The following FGF13 variants were observed in gnomAD, a reference collection of about 807,000 sequenced individuals.
FGF13 encodes the protein fibroblast growth factor homologous factor 2.
FGF13 carries 2 observed loss-of-function variants against 19.5 expected under a neutral mutation model. The observed-to-expected ratio is 0.10, with a 90% CI of 0.04 to 0.32. The LOEUF is 0.32. FGF13 is among the 10% of genes least tolerant of loss of function. FGF13 has a pLI of 1.00. For missense variants in FGF13, 113 were observed against 192.7 expected (o/e 0.59, Z 2.45); for synonymous variants, 72 against 76.9 (o/e 0.94, Z 0.33).
chrX:139,094,311 A>G (rs778313528), intron 1 of FGF13, among the ~76,000 whole-genome samples: 66 of 112,289 alleles, frequency 5.9e-4, no homozygotes, highest in South Asian at 2.2e-3. Context: ...AGAAAACTAT[A>G]CAAACTGTAT....
intron 3 of FGF13, among the ~76,000 whole-genome samples, chrX:138,646,218 TG>T (rs1405083192): frequency 8.9e-6 from 1 of 112,272 alleles, no homozygotes; most frequent in Non-Finnish European, 1.9e-5. Flanking sequence ...TAATGGGTTT[TG>T]GTAGACTTTT....
At chrX:138,914,719 C>T (rs1183871638) in intron 1 of FGF13, among the ~76,000 whole-genome samples, 1 of 107,609 alleles carries the variant, frequency 9.3e-6, no homozygotes, top group Non-Finnish European at 1.9e-5. Context: ...ACAAAAAGAC[C>T]TCCCATGCTT....
intron 1 of FGF13, among the ~76,000 whole-genome samples, chrX:139,156,826 T>A (rs1353610826): frequency 1.8e-5 from 2 of 112,115 alleles, no homozygotes; most frequent in African/African-American, 6.5e-5. Flanking sequence ...TGGGCCACAA[T>A]AAATGAAGGT....
intron 1 of FGF13, among the ~76,000 whole-genome samples, chrX:138,979,721 G>A (rs188834012): frequency 3.2e-4 from 36 of 111,367 alleles, no homozygotes; most frequent in Admixed American, 1.1e-3. Flanking sequence ...GGAGAGCAAA[G>A]CAGAGTGTTT....
chrX:138,987,832 C>G (rs933515800), intron 1 of FGF13, among the ~76,000 whole-genome samples: 2 of 111,808 alleles, frequency 1.8e-5, no homozygotes, highest in African/African-American at 6.5e-5. Context: ...ATATAAAACA[C>G]GCTATTCATT....
At chrX:138,652,945 C>G (rs1282030804) in intron 3 of FGF13, among the ~76,000 whole-genome samples, 1 of 111,981 alleles carries the variant, frequency 8.9e-6, no homozygotes, top group Non-Finnish European at 1.9e-5. Context: ...TTGTATTGAA[C>G]CAAACAACAA....
At chrX:138,778,997 G>C (rs1569392321) in intron 3 of FGF13, among the ~76,000 whole-genome samples, 1 of 112,270 alleles carries the variant, frequency 8.9e-6, no homozygotes, top group African/African-American at 3.2e-5. Flanking sequence ...TCCTCAAGTG[G>C]GTCCCTGACT....
At chrX:138,652,065 C>CTAG (rs1275171569) in intron 3 of FGF13, among the ~76,000 whole-genome samples, 2 of 112,010 alleles carry the variant, frequency 1.8e-5, no homozygotes, top group Non-Finnish European at 3.8e-5. Context: ...CTGACCACTA[C>CTAG]TACGTCTTTG....
chrX:138,964,994 G>A (rs749319531), intron 1 of FGF13, among the ~76,000 whole-genome samples: 7 of 111,923 alleles, frequency 6.3e-5, no homozygotes, highest in Non-Finnish European at 1.3e-4. Context: ...AGTACAATAG[G>A]TAGCTTGGAA....
intron 1 of FGF13, among the ~76,000 whole-genome samples, chrX:139,176,438 T>C (rs1187746681): frequency 9.3e-6 from 1 of 107,256 alleles, no homozygotes; most frequent in Non-Finnish European, 1.9e-5. Flanking sequence ...TATTCACTTC[T>C]TGTCTTCTGT....
chrX:138,886,528 C>G (rs1234160351), intron 1 of FGF13, among the ~76,000 whole-genome samples: 1 of 112,095 alleles, frequency 8.9e-6, no homozygotes, highest in Non-Finnish European at 1.9e-5. Flanking sequence ...TCACCCATTT[C>G]CCATAGTAAA....
chrX:138,997,138 C>A (rs1334969524), intron 1 of FGF13, among the ~76,000 whole-genome samples: 1 of 111,721 alleles, frequency 9.0e-6, no homozygotes, highest in Non-Finnish European at 1.9e-5. Flanking sequence ...AGCATCAAAT[C>A]AACAAAAAGG....
intron 1 of FGF13, among the ~76,000 whole-genome samples, chrX:138,968,769 G>A (rs1004621454): frequency 1.8e-5 from 2 of 112,021 alleles, no homozygotes; most frequent in African/African-American, 6.5e-5. Context: ...AAGAGGACTA[G>A]GCAATTTTTA....
chrX:139,188,076 C>T (rs1185817432), intron 1 of FGF13, among the ~76,000 whole-genome samples: 1 of 112,087 alleles, frequency 8.9e-6, no homozygotes, highest in East Asian at 2.8e-4. Flanking sequence ...ATGTCAGCTC[C>T]CTCTCCTATG....
intron 1 of FGF13, among the ~76,000 whole-genome samples, chrX:139,003,953 G>A (rs963446114): frequency 8.9e-6 from 1 of 112,811 alleles, no homozygotes; most frequent in Non-Finnish European, 1.9e-5. Context: ...CAGGAGCCCA[G>A]GTGGCTTCAC....
At chrX:138,847,242 C>T (rs902787140) in intron 3 of FGF13, among the ~76,000 whole-genome samples, 2 of 111,615 alleles carry the variant, frequency 1.8e-5, no homozygotes, top group Admixed American at 9.5e-5. Flanking sequence ...ACTCTTTCTG[C>T]ATCTTAGTTT....
intron 1 of FGF13, among the ~76,000 whole-genome samples, chrX:138,937,232 A>G (rs927562584): frequency 9.0e-6 from 1 of 111,649 alleles, no homozygotes; most frequent in African/African-American, 3.3e-5. Flanking sequence ...GTATGTTGAG[A>G]ACGAAAGACC....
intron 1 of FGF13, among the ~76,000 whole-genome samples, chrX:139,105,885 A>G (rs2083555886): frequency 8.9e-6 from 1 of 112,139 alleles, no homozygotes; most frequent in Non-Finnish European, 1.9e-5. Context: ...TTCTCTTACC[A>G]AATAATTCAT....
intron 1 of FGF13, among the ~76,000 whole-genome samples, chrX:139,029,117 A>G (rs2092216365): frequency 9.0e-6 from 1 of 111,217 alleles, no homozygotes; most frequent in African/African-American, 3.3e-5. Flanking sequence ...GAATGGCATA[A>G]AAGAAAGCAT....
Sources: allele counts gnomAD v4.1 joint callset (sites outside exome capture counted in the v4.1 genomes callset), GRCh38; gene constraint gnomAD v4.1.1; transcripts MANE v1.5; gene names NCBI Gene and HGNC (gene_info 2026-07-23, HGNC 2026-07-21).